Variants in NAALADL2 observed in about 807,000 individuals in gnomAD.
NAALADL2 encodes the protein N-acetylated alpha-linked acidic dipeptidase like 2.
Under a neutral mutation model 87.2 loss-of-function variants are expected in NAALADL2, and 76 were observed. That is an observed-to-expected ratio of 0.87 (90% CI 0.72 to 1.05). NAALADL2 has a LOEUF of 1.05. NAALADL2 is among the 50% of genes least tolerant of loss of function. The pLI is 0.00. For synonymous variants in NAALADL2, 354 were observed against 331.0 expected (o/e 1.07, Z -0.75); for missense variants, 1,089 against 945.8 (o/e 1.15, Z -1.99).
chr3:175,158,245 A>G (rs1732613336), intron 2 of NAALADL2, among the ~76,000 whole-genome samples: 1 of 152,072 alleles, frequency 6.6e-6, no homozygotes, highest in South Asian at 2.1e-4. Context: ...CAGTAGGGTT[A>G]CGGATTTTTT....
intron 2 of NAALADL2, among the ~76,000 whole-genome samples, chr3:174,641,214 A>T (rs1723149371): frequency 6.6e-6 from 1 of 152,132 alleles, no homozygotes; most frequent in African/African-American, 2.4e-5. Flanking sequence ...GATTCTGCCC[A>T]CAACCACGTG....
intron 13 of NAALADL2, among the ~76,000 whole-genome samples, chr3:175,779,963 T>C (rs1217413066): frequency 6.6e-6 from 1 of 152,094 alleles, no homozygotes; most frequent in Non-Finnish European, 1.5e-5. Flanking sequence ...GACAAAAAAA[T>C]TTAGAATTTT....
At chr3:174,847,375 G>A (rs1724745337) in intron 3 of NAALADL2, among the ~76,000 whole-genome samples, 1 of 152,128 alleles carries the variant, frequency 6.6e-6, no homozygotes, top group African/African-American at 2.4e-5. Flanking sequence ...ATTATAAAAT[G>A]CCTGGTTCTA....
At chr3:175,099,904 A>G (rs1252828433) in intron 2 of NAALADL2, among the ~76,000 whole-genome samples, 1 of 152,076 alleles carries the variant, frequency 6.6e-6, no homozygotes, top group East Asian at 1.9e-4. Context: ...TGAATGCATG[A>G]ATAAATGAGA....
intron 3 of NAALADL2, among the ~76,000 whole-genome samples, chr3:174,741,665 A>G (rs1281846195): frequency 6.6e-6 from 1 of 151,622 alleles, no homozygotes; most frequent in East Asian, 1.9e-4. Flanking sequence ...AAAGGGGAAA[A>G]ACTCCAACTC....
chr3:174,891,785 C>G (rs1730894413), intron 1 of NAALADL2, among the ~76,000 whole-genome samples: 1 of 152,076 alleles, frequency 6.6e-6, no homozygotes, highest in Non-Finnish European at 1.5e-5. Flanking sequence ...AAGCAGTGGA[C>G]CGGGGAAATA....
intron 2 of NAALADL2, among the ~76,000 whole-genome samples, chr3:174,690,174 G>A (rs1393499909): frequency 6.6e-6 from 1 of 152,106 alleles, no homozygotes; most frequent in Non-Finnish European, 1.5e-5. Flanking sequence ...ACAGATCAAT[G>A]TATCATTTGT....
chr3:175,729,304 A>G (rs1743352708), intron 11 of NAALADL2, among the ~76,000 whole-genome samples: 1 of 152,146 alleles, frequency 6.6e-6, no homozygotes, highest in Non-Finnish European at 1.5e-5. Flanking sequence ...AATAGCTACT[A>G]GTTAGGACGG....
intron 11 of NAALADL2, among the ~76,000 whole-genome samples, chr3:175,704,453 G>A (rs4383533): frequency 0.32 from 49,105 of 151,974 alleles, 10,689 homozygotes; most frequent in African/African-American, 0.62. Flanking sequence ...AAAAATAGAT[G>A]TGAAATACAT....
At chr3:175,791,321 G>T (rs1348634381) in intron 13 of NAALADL2, among the ~76,000 whole-genome samples, 1 of 152,112 alleles carries the variant, frequency 6.6e-6, no homozygotes, top group Non-Finnish European at 1.5e-5. Flanking sequence ...TCTATATGGG[G>T]TGAGTCCCCT....
chr3:174,653,269 C>G (rs1330297442), intron 2 of NAALADL2, among the ~76,000 whole-genome samples: 14 of 152,166 alleles, frequency 9.2e-5, no homozygotes, highest in Admixed American at 9.2e-4. Flanking sequence ...ACCCAAATGT[C>G]CATCCACAGT....
chr3:175,487,507 T>C (rs1008260966), intron 9 of NAALADL2: 2 of 456,508 alleles, frequency 4.4e-6, no homozygotes, highest in African/African-American at 2.0e-5. Context: ...TAAGAGCAGA[T>C]TTCTGTGTTT....
chr3:174,579,374 G>T (rs1237492103), intron 2 of NAALADL2, among the ~76,000 whole-genome samples: 2 of 151,892 alleles, frequency 1.3e-5, no homozygotes, highest in Non-Finnish European at 2.9e-5. Flanking sequence ...ATACCCCTCA[G>T]AAATAAAAAT....
chr3:174,903,453 G>A (rs1054837970), intron 1 of NAALADL2, among the ~76,000 whole-genome samples: 1 of 152,124 alleles, frequency 6.6e-6, no homozygotes, highest in East Asian at 1.9e-4. Context: ...GGAAATGGGT[G>A]ATAGGTTAGT....
chr3:175,652,313 T>C (rs982489491), intron 11 of NAALADL2, among the ~76,000 whole-genome samples: 3 of 152,102 alleles, frequency 2.0e-5, no homozygotes, highest in Non-Finnish European at 4.4e-5. Context: ...TTAAGACATA[T>C]TTATTTTGCA....
chr3:174,842,147 G>T (rs539325187), intron 3 of NAALADL2, among the ~76,000 whole-genome samples: 35 of 151,760 alleles, frequency 2.3e-4, no homozygotes, highest in African/African-American at 3.1e-4. Context: ...TGCCTGCCGG[G>T]TTCAAGTGAT....
rs1028456382 is a variant in NAALADL2, at chr3:175,807,087, G to A, written c.*3884G>A. 1.3e-5 allele frequency: 2 copies of A among 151,706 alleles called. No homozygotes were observed. The highest frequency in any genetic ancestry group is 4.8e-5 in the African/African-American group (2 of 41,364). 9.4% of individuals were successfully genotyped at this position (151,706 alleles called of 1,614,324 possible). A position where few individuals can be genotyped will look rare whatever the true frequency, so the allele number is the denominator to read the frequency against. ...AGCATTAAAAGGCAAGTGCACCATT[G>A]TGGAATATCATGACGAGTAGGCTTA... On this transcript the variant is annotated 3_prime_UTR_variant, in exon 14 of 14. Coordinates refer to ENST00000454872, the MANE Select transcript of NAALADL2 (RefSeq NM_207015.3).
At chr3:174,718,524 T>G (rs979392085) in intron 2 of NAALADL2, among the ~76,000 whole-genome samples, 1 of 152,132 alleles carries the variant, frequency 6.6e-6, no homozygotes, top group African/African-American at 2.4e-5. Context: ...ATAGCAGAAC[T>G]AGGATGAGAA....
chr3:175,643,946 C>G (rs1275959356), intron 11 of NAALADL2, among the ~76,000 whole-genome samples: 1 of 152,048 alleles, frequency 6.6e-6, no homozygotes, highest in Non-Finnish European at 1.5e-5. Flanking sequence ...TGATCCTCTG[C>G]CAAACTTGAT....
Sources: allele counts gnomAD v4.1 joint callset (sites outside exome capture counted in the v4.1 genomes callset), GRCh38; gene constraint gnomAD v4.1.1; transcripts MANE v1.5; gene names NCBI Gene and HGNC (gene_info 2026-07-23, HGNC 2026-07-21).